PXDNL: variants seen among roughly 807,000 people sequenced by gnomAD.
The protein encoded by PXDNL is peroxidasin like.
A neutral mutation model predicts 150.8 loss-of-function variants in PXDNL; 145 were observed. The ratio of observed to expected loss-of-function variants is 0.96; its 90% CI spans 0.84 to 1.10. The LOEUF (loss-of-function observed/expected upper bound fraction) is 1.10. Among genes scored for constraint, PXDNL ranks in the 50% least tolerant of loss-of-function variants. The pLI, the probability that PXDNL is intolerant of heterozygous loss-of-function variation, is 0.00. For missense variants in PXDNL, 2,087 were observed against 1,873.9 expected (o/e 1.11, Z -2.10); for synonymous variants, 757 against 725.7 (o/e 1.04, Z -0.69).
chr8:51,425,513 A>T (rs1809067776), intron 13 of PXDNL, among the ~76,000 whole-genome samples: 1 of 152,112 alleles, frequency 6.6e-6, no homozygotes, highest in Admixed American at 6.5e-5. Flanking sequence ...TTAATATATA[A>T]TATCAAATTA....
chr8:51,324,708 C>T (rs193203876), intron 21 of PXDNL, among the ~76,000 whole-genome samples: 124 of 152,246 alleles, frequency 8.1e-4, no homozygotes, highest in African/African-American at 2.8e-3. Flanking sequence ...ATCCATATTC[C>T]GTTTTGAGCC....
chr8:51,601,296 C>T (rs1438579892), intron 2 of PXDNL, among the ~76,000 whole-genome samples: 2 of 151,788 alleles, frequency 1.3e-5, no homozygotes, highest in Non-Finnish European at 2.9e-5. Flanking sequence ...TGCCTTGATG[C>T]TCTGTCCAAT....
At chr8:51,551,329 C>G (rs184214834) in intron 4 of PXDNL, among the ~76,000 whole-genome samples, 1 of 152,098 alleles carries the variant, frequency 6.6e-6, no homozygotes, top group Admixed American at 6.6e-5. Flanking sequence ...GAAAAACAAT[C>G]CTAAAATTCA....
rs764244067 is a variant in PXDNL at position 51,371,973 on chromosome 8, C to G, written c.3801G>C (p.Val1267=). The change falls in exon 19 of 23, where the codon GTG becomes GTC. Residue 1267 remains valine (V), a synonymous_variant. Coordinates refer to ENST00000356297, the MANE Select transcript of PXDNL (RefSeq NM_144651.5). ...LCDNGDSIQQ[V]QADVFVKAEY... ...CTGCCTTTACAAAGACATCAGCCTG[C>G]ACTTGCTGAATGCTGTCACCATTGT... 6.2e-7 allele frequency: 1 copy of G among 1,613,910 alleles called. No individual in the cohort carries two copies. Among genetic ancestry groups the G allele is most frequent in the South Asian group, 1.1e-5 (1 of 91,044 alleles).
intron 1 of PXDNL, among the ~76,000 whole-genome samples, chr8:51,771,568 C>T (rs776135556): frequency 3.3e-5 from 5 of 152,018 alleles, no homozygotes; most frequent in South Asian, 2.1e-4. Context: ...TAAGGAAAGA[C>T]GACCCTGCAA....
chr8:51,574,943 G>T (rs1431820191), intron 3 of PXDNL, among the ~76,000 whole-genome samples: 4 of 152,004 alleles, frequency 2.6e-5, no homozygotes, highest in Non-Finnish European at 4.4e-5. Context: ...AATAATACAA[G>T]AAGGAAATAT....
chr8:51,434,654 G>A (rs956138539), intron 12 of PXDNL, among the ~76,000 whole-genome samples: 2 of 152,096 alleles, frequency 1.3e-5, no homozygotes, highest in African/African-American at 4.8e-5. Context: ...GAAATAAGAA[G>A]GTTAAAAATA....
At chr8:51,394,237 A>G (rs1317003391) in intron 17 of PXDNL, among the ~76,000 whole-genome samples, 1 of 152,230 alleles carries the variant, frequency 6.6e-6, no homozygotes, top group East Asian at 1.9e-4. Context: ...ATGAGAGGTG[A>G]TATATGTCAC....
At position 51,607,872 on chromosome 8, in the gene PXDNL, G is replaced by GGAAGGAAGGAAGGAAA. The variant is rs1554557429; in HGVS notation, c.237-15175_237-15174insTTTCCTTCCTTCCTTC. On this transcript the variant is annotated intron_variant, in intron 2 of 22. Coordinates refer to ENST00000356297, the MANE Select transcript of PXDNL (RefSeq NM_144651.5). The stretch of plus-strand genomic sequence containing the variant: ...AGGAAGAGAGGAAGGAAGGAAGGAA[G>GGAAGGAAGGAAGGAAA]GAAGGAAGGAAGGAAGGAAGGAAGG... Among the ~76,000 whole-genome samples, 112 of 118,248 alleles carry GGAAGGAAGGAAGGAAA rather than the reference G, an allele frequency of 9.5e-4. 9 individuals are homozygous for GGAAGGAAGGAAGGAAA. Among genetic ancestry groups the GGAAGGAAGGAAGGAAA allele is most frequent in the African/African-American group, 3.9e-3 (102 of 26,272 alleles). 77.6% of individuals were successfully genotyped at this position (118,248 alleles called of 152,430 possible). A position where few individuals can be genotyped will look rare whatever the true frequency, so the allele number is the denominator to read the frequency against.
intron 21 of PXDNL, among the ~76,000 whole-genome samples, chr8:51,331,146 G>GTC (rs1267608988): frequency 2.6e-5 from 4 of 152,146 alleles, no homozygotes; most frequent in African/African-American, 9.7e-5. Flanking sequence ...CCCAAATACT[G>GTC]TAAGTGCCCC....
chr8:51,581,885 G>T (rs1278072708), intron 3 of PXDNL, among the ~76,000 whole-genome samples: 1 of 152,054 alleles, frequency 6.6e-6, no homozygotes, highest in African/African-American at 2.4e-5. Flanking sequence ...GATGCAATCT[G>T]CTTATTCATA....
intron 21 of PXDNL, among the ~76,000 whole-genome samples, chr8:51,325,838 T>A (rs1374175898): frequency 6.6e-6 from 1 of 152,204 alleles, no homozygotes; most frequent in Non-Finnish European, 1.5e-5. Flanking sequence ...GAAAGCCACC[T>A]CCTCACTTGG....
At chr8:51,719,025 C>T (rs1413211926) in intron 1 of PXDNL, among the ~76,000 whole-genome samples, 2 of 151,492 alleles carry the variant, frequency 1.3e-5, no homozygotes, top group Non-Finnish European at 2.9e-5. Context: ...CCGCCCCGTC[C>T]GGGAGGGAGG....
At chr8:51,591,226 TA>T (rs201343965) in intron 3 of PXDNL, among the ~76,000 whole-genome samples, 1 of 152,290 alleles carries the variant, frequency 6.6e-6, no homozygotes, top group African/African-American at 2.4e-5. Context: ...AAACTTTTTT[TA>T]AAAAAATTAA....
At chr8:51,598,778 C>T (rs1014024099) in intron 2 of PXDNL, among the ~76,000 whole-genome samples, 1 of 151,976 alleles carries the variant, frequency 6.6e-6, no homozygotes, top group Non-Finnish European at 1.5e-5. Context: ...AAAGGTGCCT[C>T]CTCGATTTTC....
chr8:51,523,010 T>C lies in PXDNL; in HGVS notation c.381-23240A>G, dbSNP rs149931259. Among the ~76,000 whole-genome samples the C allele has an allele frequency of 2.6e-3, 393 of 152,322 alleles. 2 individuals are homozygous for C. The highest frequency in any genetic ancestry group is 9.1e-3 in the African/African-American group (379 of 41,564). ...GAATTACCTACAACAGTGATATCTT[T>C]TTATGAAATCAAGCTTCACCAAAAG... is the stretch of plus-strand genomic sequence containing the variant. On this transcript the variant is annotated intron_variant, in intron 4 of 22. Coordinates refer to ENST00000356297, the MANE Select transcript of PXDNL (RefSeq NM_144651.5).
At chr8:51,579,246 A>G (rs753812471) in intron 3 of PXDNL, among the ~76,000 whole-genome samples, 2 of 152,064 alleles carry the variant, frequency 1.3e-5, no homozygotes, top group Non-Finnish European at 2.9e-5. Flanking sequence ...TAAACTCTCC[A>G]AACTTAACAG....
At chr8:51,452,411 A>G (rs1809826490) in intron 10 of PXDNL, among the ~76,000 whole-genome samples, 1 of 152,236 alleles carries the variant, frequency 6.6e-6, no homozygotes, top group African/African-American at 2.4e-5. Flanking sequence ...TCTAGGGAAA[A>G]ACACAATTTT....
intron 1 of PXDNL, among the ~76,000 whole-genome samples, chr8:51,659,394 C>T (rs6984491): frequency 0.028 from 4,319 of 152,258 alleles, 198 homozygotes; most frequent in African/African-American, 0.098. Context: ...ATGTTTAATG[C>T]TCTTCTGCAG....
Sources: allele counts gnomAD v4.1 joint callset (sites outside exome capture counted in the v4.1 genomes callset), GRCh38; gene constraint gnomAD v4.1.1; transcripts MANE v1.5; gene names NCBI Gene and HGNC (gene_info 2026-07-23, HGNC 2026-07-21).